Variants in CDH12 observed in about 807,000 individuals in gnomAD.
CDH12 encodes the protein cadherin-12.
CDH12 carries 41 observed loss-of-function variants against 74.1 expected under a neutral mutation model. That is an observed-to-expected ratio of 0.55 (90% CI 0.43 to 0.72). The LOEUF (loss-of-function observed/expected upper bound fraction) is 0.72, where lower values mean the gene tolerates loss of function less well. Among genes scored for constraint, CDH12 ranks in the 30% least tolerant of loss-of-function variants. CDH12 has a pLI of 0.00. For synonymous variants in CDH12, 399 were observed against 355.0 expected (o/e 1.12, Z -1.39); for missense variants, 945 against 977.2 (o/e 0.97, Z 0.44).
chr5:21,880,564 C>CCTTCCTTCCCTTCT (rs1561268045), intron 6 of CDH12, among the ~76,000 whole-genome samples: 5 of 14,482 alleles, frequency 3.5e-4, no homozygotes, highest in African/African-American at 6.0e-4. Flanking sequence ...CCTTCCTTCC[C>CCTTCCTTCCCTTCT]TTCTTTCTTT....
intron 8 of CDH12, among the ~76,000 whole-genome samples, chr5:21,840,431 T>A (rs1325065273): frequency 2.6e-5 from 2 of 77,002 alleles, no homozygotes; most frequent in East Asian, 6.0e-4. Flanking sequence ...AGATTTGTAA[T>A]TTTTTTTTTT....
At chr5:22,783,785 T>A (rs1211973187) in intron 1 of CDH12, among the ~76,000 whole-genome samples, 1 of 152,114 alleles carries the variant, frequency 6.6e-6, no homozygotes, top group Non-Finnish European at 1.5e-5. Context: ...GCAAATGACT[T>A]CTTAAGTACC....
chr5:22,788,764 T>C (rs1290379098), intron 1 of CDH12, among the ~76,000 whole-genome samples: 2 of 150,698 alleles, frequency 1.3e-5, no homozygotes, highest in East Asian at 3.9e-4. Flanking sequence ...ATAATGTATA[T>C]ATTTTTTCTT....
chr5:22,425,888 C>T (rs1161494322), intron 2 of CDH12, among the ~76,000 whole-genome samples: 6 of 152,060 alleles, frequency 3.9e-5, no homozygotes, highest in African/African-American at 1.4e-4. Flanking sequence ...TCAACACAAA[C>T]ATTCTAGAAA....
At chr5:22,344,532 A>G (rs1740028036) in intron 3 of CDH12, among the ~76,000 whole-genome samples, 1 of 152,118 alleles carries the variant, frequency 6.6e-6, no homozygotes, top group Admixed American at 6.5e-5. Context: ...TGAGACTCAT[A>G]TTTCACCTGT....
intron 1 of CDH12, among the ~76,000 whole-genome samples, chr5:22,595,295 G>A (rs1185954205): frequency 6.6e-6 from 1 of 152,056 alleles, no homozygotes; most frequent in Admixed American, 6.5e-5. Flanking sequence ...GAGCATATCT[G>A]ACCCATCCTG....
chr5:22,049,996 C>G (rs921723270), intron 5 of CDH12, among the ~76,000 whole-genome samples: 1 of 152,122 alleles, frequency 6.6e-6, no homozygotes, highest in Admixed American at 6.6e-5. Flanking sequence ...AAGCTCCTTT[C>G]CATGCACAGA....
intron 1 of CDH12, among the ~76,000 whole-genome samples, chr5:22,768,532 A>C (rs1746639481): frequency 6.6e-6 from 1 of 152,134 alleles, no homozygotes. Flanking sequence ...TTGTAGAGTA[A>C]GTAAAGTTTT....
chr5:22,033,662 T>C (rs1454141806), intron 5 of CDH12, among the ~76,000 whole-genome samples: 1 of 152,222 alleles, frequency 6.6e-6, no homozygotes, highest in African/African-American at 2.4e-5. Context: ...TCTGTTTTTC[T>C]TTAGTCAAAA....
intron 1 of CDH12, among the ~76,000 whole-genome samples, chr5:22,735,329 A>G (rs1351126228): frequency 6.6e-6 from 1 of 151,952 alleles, no homozygotes; most frequent in Non-Finnish European, 1.5e-5. Flanking sequence ...TTAATGATAC[A>G]GGGTTACCCT....
intron 3 of CDH12, among the ~76,000 whole-genome samples, chr5:22,309,844 T>C (rs1039546650): frequency 3.1e-4 from 47 of 151,838 alleles, no homozygotes; most frequent in Non-Finnish European, 5.4e-4. Flanking sequence ...AATAAACCCC[T>C]TCAGTAAGAT....
intron 3 of CDH12, among the ~76,000 whole-genome samples, chr5:22,220,665 T>C (rs1341011518): frequency 1.3e-5 from 2 of 151,704 alleles, no homozygotes; most frequent in Non-Finnish European, 3.0e-5. Context: ...TATATGTTTA[T>C]ATATACAAAG....
intron 1 of CDH12, among the ~76,000 whole-genome samples, chr5:22,620,148 T>C (rs1737899863): frequency 6.6e-6 from 1 of 152,124 alleles, no homozygotes; most frequent in Non-Finnish European, 1.5e-5. Context: ...TCAATGTGTA[T>C]TGTCAGAATG....
intron 1 of CDH12, among the ~76,000 whole-genome samples, chr5:22,779,973 A>G (rs1747305117): frequency 6.6e-6 from 1 of 152,244 alleles, no homozygotes; most frequent in African/African-American, 2.4e-5. Context: ...CATTTTAAAT[A>G]AATTATGTAT....
At chr5:22,826,225 T>G (rs1170587200) in intron 1 of CDH12, among the ~76,000 whole-genome samples, 2 of 152,130 alleles carry the variant, frequency 1.3e-5, no homozygotes, top group African/African-American at 4.8e-5. Flanking sequence ...CTGATGGTTT[T>G]AAAAATGGGA....
intron 4 of CDH12, among the ~76,000 whole-genome samples, chr5:22,141,961 C>T (rs1746823684): frequency 6.6e-6 from 1 of 152,024 alleles, no homozygotes; most frequent in Non-Finnish European, 1.5e-5. Flanking sequence ...ATAACTTGCC[C>T]AGAGTTGTAC....
intron 10 of CDH12, among the ~76,000 whole-genome samples, chr5:21,795,109 A>G (rs1262340851): frequency 6.6e-6 from 1 of 151,720 alleles, no homozygotes; most frequent in East Asian, 1.9e-4. Flanking sequence ...GTGAATCTTA[A>G]TATAATGTAT....
chr5:22,420,020 GGTGTGT>G (rs745477104), intron 2 of CDH12, among the ~76,000 whole-genome samples: 2 of 151,026 alleles, frequency 1.3e-5, no homozygotes, highest in African/African-American at 2.4e-5. Context: ...TGTTTGTTTT[GGTGTGT>G]GTGTGTGTTG....
chr5:22,550,396 A>T (rs1424210511), intron 1 of CDH12, among the ~76,000 whole-genome samples: 1 of 152,128 alleles, frequency 6.6e-6, no homozygotes, highest in Non-Finnish European at 1.5e-5. Context: ...TGACTCAGAA[A>T]CCCTATTTTC....
Sources: allele counts gnomAD v4.1 joint callset (sites outside exome capture counted in the v4.1 genomes callset), GRCh38; gene constraint gnomAD v4.1.1; transcripts MANE v1.5; gene names NCBI Gene and HGNC (gene_info 2026-07-23, HGNC 2026-07-21).